Variants in PCDH8 observed in about 807,000 individuals in gnomAD.
PCDH8 encodes protocadherin 8.
In PCDH8, 36 loss-of-function variants were observed where a neutral mutation model predicts 58.2. The ratio of observed to expected loss-of-function variants is 0.62; its 90% confidence interval spans 0.47 to 0.82. The LOEUF is 0.82. Among genes scored for constraint, PCDH8 ranks in the 40% least tolerant of loss-of-function variants. The probability of loss-of-function intolerance (pLI) is 0.00; values close to 1 mark genes in which losing one functional copy is unlikely to be tolerated. For synonymous variants in PCDH8, 775 were observed against 728.9 expected, an observed-to-expected ratio of 1.06 and a Z score of -1.02; for missense variants, 1,493 against 1,567.8, an observed-to-expected ratio of 0.95 and a Z score of 0.81.
chr13:52,847,347 C>T lies in PCDH8; in HGVS notation c.1090G>A (p.Ala364Thr), dbSNP rs752290702. The T allele has an allele frequency of 2.0e-6, 3 of 1,472,766 alleles. No homozygotes were observed. Among genetic ancestry groups the T allele is most frequent in the Non-Finnish European group, 8.9e-7 (1 of 1,117,780 alleles). The allele number at this position is 1,472,766 out of a possible 1,614,324, so 91.2% of individuals were successfully genotyped here. The change falls in exon 1 of 3, where the codon GCG (alanine) becomes ACG (threonine). Residue 364 changes from alanine (A) to threonine (T), a missense_variant. Physicochemically the swap from Ala to Thr is moderately conservative, Grantham distance 58. Transcript: ENST00000377942. ...IAITPLAAPG[A>T]PATSPFAAAA... is the part of the protein sequence containing the mutation. ...GCGGCGAAGGGTGAGGTTGCCGGCG[C>T]GCCTGGGGCGGCCAGCGGGGTGATG...
In PCDH8 at chr13:52,844,924, G is replaced by A. The variant is rs751594263; in HGVS notation, c.2849C>T (p.Ala950Val). ...CAGGATCTTACACTCAGCGGTGCAC[G>A]CCCACAGTCCTAATACGAAAGGGAA... Reference protein sequence around the residue: ...LINHMQSGLWACTAECKILGH... With the variant: ...LINHMQSGLWVCTAECKILGH... Residue 950 changes from alanine to valine, a missense_variant, in exon 3 of 3, where the codon GCG (alanine) becomes GTG (valine). By Grantham distance (64) the Ala-to-Val change is moderately conservative. Transcript: ENST00000377942. 16 of 1,523,730 alleles carry A rather than the reference G, an allele frequency of 1.1e-5. No individual in the cohort carries two copies. The South Asian group carries it at 1.4e-4, about 14-fold the overall frequency. 94.4% of individuals were successfully genotyped at this position (1,523,730 alleles called of 1,614,324 possible). A position where few individuals can be genotyped will look rare whatever the true frequency, so the allele number is the denominator to read the frequency against.
Position 52,844,427 on chromosome 13 carries a change from G to T in PCDH8, c.*133C>A, listed in dbSNP as rs1965697596. ...TGCAAATACCAAACAGTACCAATGT[G>T]ATTGGAAATAGCTTCCAACAACTTC... On this transcript the variant is annotated 3_prime_UTR_variant, in exon 3 of 3. Transcript: ENST00000377942. The T allele has an allele frequency of 2.9e-6, 2 of 693,870 alleles. No individual in the cohort carries two copies. The highest frequency in any genetic ancestry group is 2.3e-6 in the Non-Finnish European group (1 of 434,020). 43.0% of individuals were successfully genotyped at this position (693,870 alleles called of 1,614,324 possible).
Position 52,847,544 on chromosome 13 carries a change from C to A in PCDH8, c.893G>T (p.Arg298Leu). 1 of 1,575,374 alleles carries A rather than the reference C, an allele frequency of 6.3e-7. No individual in the cohort carries two copies. The highest frequency in any genetic ancestry group is 8.6e-7 in the Non-Finnish European group (1 of 1,168,150). The change falls in exon 1 of 3, where the codon CGG becomes CTG. Residue 298 changes from arginine to leucine, a missense_variant. Transcript: ENST00000377942. ...RTPPEARRLF[R>L]LDPRSGRLTL... ...GAGGCGGCCTGATCGCGGGTCAAGC[C>A]GAAAGAGGCGGCGCGCCTCCGGCGG...
In PCDH8 at chr13:52,848,196, C is replaced by A. The variant is rs778294592; in HGVS notation, c.241G>T (p.Gly81Trp). ...SSLLRVREGD[G>W]QLTVGDAGLD... ...CCGGCGTCCCCGACGGTCAGCTGCCCGTCGCCTTCGCGCACCCGGAGCAGA... is the reference window on the plus strand; with the variant it reads ...CCGGCGTCCCCGACGGTCAGCTGCCAGTCGCCTTCGCGCACCCGGAGCAGA... The change falls in exon 1 of 3, where the codon GGG becomes TGG. Residue 81 changes from glycine (G) to tryptophan (W), a missense_variant. By Grantham distance (184) the Gly-to-Trp change is radical. Around this residue, in one of 3 missense-constraint regions of PCDH8, gnomAD observed 1,307 missense variants for 1,362.7 expected, o/e 0.96. Transcript: ENST00000377942. The A allele has an allele frequency of 7.4e-6, 12 of 1,612,760 alleles. No homozygotes were observed. Among genetic ancestry groups the A allele is most frequent in the Non-Finnish European group, 1.0e-5 (12 of 1,179,626 alleles).
rs749685234 is a variant in PCDH8, at chr13:52,846,328, G to T, written c.2109C>A (p.Thr703=). The change falls in exon 1 of 3, where the codon ACC becomes ACA. Residue 703 remains threonine (T), a synonymous_variant. Transcript: ENST00000377942. ...CTGTTACCACGAAGCTGACAGTTGC[G>T]GTGGTGGTGAGCGGGGGACGGCCGC... ...SDGGRPPLTT[T]ATVSFVVTAG... is the part of the protein sequence containing the mutation. The T allele has an allele frequency of 3.2e-6, 5 of 1,568,198 alleles. No individual in the cohort carries two copies. The Admixed American group carries it at 7.0e-5, about 22-fold the overall frequency.
At position 52,844,670 on chromosome 13, in the gene PCDH8, G is replaced by C; in HGVS notation, c.3103C>G (p.Pro1035Ala). 1 of 1,614,126 alleles carries C rather than the reference G, an allele frequency of 6.2e-7. No individual in the cohort carries two copies. Among genetic ancestry groups the C allele is most frequent in the Non-Finnish European group, 8.5e-7 (1 of 1,180,006 alleles). Residue 1035 changes from proline to alanine, a missense_variant, in exon 3 of 3, where the codon CCT becomes GCT. This residue lies in a region of PCDH8 where 182 missense variants were observed against 178.9 expected (regional missense o/e 1.02). Coordinates refer to ENST00000377942, the MANE Select transcript of PCDH8 (RefSeq NM_002590.4). ...TCTGGGAGCCTCCCTGGACGGGGAG[G>C]GGAGAGCAGAGTGACTGTCCTGTCA... ...DYDRTVTLLS[P>A]PRPGRLPDLQ... is the part of the protein sequence containing the mutation.
chr13:52,846,607 C>A lies in PCDH8; in HGVS notation c.1830G>T (p.Val610=). 1 of 1,605,352 alleles carries A rather than the reference C, an allele frequency of 6.2e-7. No homozygotes were observed. Among genetic ancestry groups the A allele is most frequent in the Non-Finnish European group, 8.5e-7 (1 of 1,178,744 alleles). ...LDQNDHAPVL[V]HPAPANGSLE... is the part of the protein sequence containing the mutation. Reference sequence around the variant, plus strand: ...GGGAGCCATTGGCTGGCGCCGGGTGCACCAGGACTGGCGCATGGTCGTTCT... The same window carrying A: ...GGGAGCCATTGGCTGGCGCCGGGTGAACCAGGACTGGCGCATGGTCGTTCT... The change falls in exon 1 of 3, where the codon GTG becomes GTT. Residue 610 remains valine, a synonymous_variant. Coordinates refer to ENST00000377942, the MANE Select transcript of PCDH8 (RefSeq NM_002590.4).
At position 52,847,414 on chromosome 13, in the gene PCDH8, G is replaced by A; in HGVS notation, c.1023C>T (p.Ile341=). Residue 341 remains isoleucine, a synonymous_variant, in exon 1 of 3, where the codon ATC becomes ATT. Coordinates refer to ENST00000377942, the MANE Select transcript of PCDH8 (RefSeq NM_002590.4). ...TGTCATTGACGTCTCGGATGCGCACGATGACCTTGCAGGTGGCAGCGCGGG... is the reference window on the plus strand; with the variant it reads ...TGTCATTGACGTCTCGGATGCGCACAATGACCTTGCAGGTGGCAGCGCGGG... ...PGPRAATCKV[I]VRIRDVNDNA... 1 of 1,580,338 alleles carries A rather than the reference G, an allele frequency of 6.3e-7. No homozygotes were observed.
Position 52,846,267 on chromosome 13 carries a change from C to A in PCDH8, c.2170G>T (p.Ala724Ser). ...GGGCGGGAACGCTCCGGGCTTCCTG[C>A]ACTGGCAGGCGCAGCCGGCCCACGC... is the stretch of plus-strand genomic sequence containing the variant. ...GGRGPAAPASAGSPERSRPPG... is the reference protein window; with the variant it reads ...GGRGPAAPASSGSPERSRPPG... The change falls in exon 1 of 3, where the codon GCA becomes TCA. Residue 724 changes from alanine (A) to serine (S), a missense_variant. Ala to Ser is a moderately conservative substitution (Grantham distance 99). Coordinates refer to ENST00000377942, the MANE Select transcript of PCDH8 (RefSeq NM_002590.4). 6.3e-7 allele frequency: 1 copy of A among 1,580,216 alleles called. No individual in the cohort carries two copies. Among genetic ancestry groups the A allele is most frequent in the Admixed American group, 1.7e-5 (1 of 57,886 alleles).
rs1414785141 is a variant in PCDH8, at chr13:52,846,824, T to G, written c.1613A>C (p.Glu538Ala). ...RNGQVTYRLL[E>A]AEVGRAGGAV... ...GCCCCCGGCGCGGCCCACCTCGGCC[T>G]CCAGCAGCCGGTAGGTGACCTGGCC... The change falls in exon 1 of 3, where the codon GAG becomes GCG. Residue 538 changes from glutamate to alanine, a missense_variant. Around this residue, in one of 3 missense-constraint regions of PCDH8, gnomAD observed 1,307 missense variants for 1,362.7 expected, o/e 0.96. Coordinates refer to ENST00000377942, the MANE Select transcript of PCDH8 (RefSeq NM_002590.4). The G allele has an allele frequency of 6.5e-7, 1 of 1,548,606 alleles. No individual in the cohort carries two copies. Among genetic ancestry groups the G allele is most frequent in the Admixed American group, 1.9e-5 (1 of 52,496 alleles).
rs1965695893 is a variant in PCDH8, at chr13:52,844,284, T to C, written c.*276A>G. The C allele has an allele frequency of 4.1e-6, 1 of 243,644 alleles. No individual in the cohort carries two copies. The highest frequency in any genetic ancestry group is 2.2e-5 in the African/African-American group (1 of 44,934). 15.1% of individuals were successfully genotyped at this position (243,644 alleles called of 1,614,324 possible). On this transcript the variant is annotated 3_prime_UTR_variant, in exon 3 of 3. Coordinates refer to ENST00000377942, the MANE Select transcript of PCDH8 (RefSeq NM_002590.4). ...TATATACAAACATTACATTACACAA[T>C]GTACAGGTTAAAAACACTAAGAAAA...
chr13:52,847,033 C>T lies in PCDH8; in HGVS notation c.1404G>A (p.Val468=). The change falls in exon 1 of 3, where the codon GTG becomes GTA. Residue 468 remains valine (V), a synonymous_variant. Transcript: ENST00000377942. ...GCGGGGGCGCGCCGCGATCCTCGGC[C>T]ACCAGCGTCAAGTTGTACTCGGCGA... The part of the protein sequence containing the change: ...ERIAEYNLTL[V]AEDRGAPPLR... 6.4e-7 allele frequency: 1 copy of T among 1,566,728 alleles called. No homozygotes were observed. The highest frequency in any genetic ancestry group is 8.6e-7 in the Non-Finnish European group (1 of 1,158,534).
Position 52,846,390 on chromosome 13 carries a change from C to T in PCDH8, c.2047G>A (p.Gly683Ser), listed in dbSNP as rs751110384. 3 of 1,592,248 alleles carry T rather than the reference C, an allele frequency of 1.9e-6. No homozygotes were observed. The highest frequency in any genetic ancestry group is 2.6e-6 in the Non-Finnish European group (3 of 1,172,424). Residue 683 changes from glycine (G) to serine (S), a missense_variant, in exon 1 of 3, where the codon GGT becomes AGT. By Grantham distance (56) the Gly-to-Ser change is moderately conservative. Around this residue, in one of 3 missense-constraint regions of PCDH8, gnomAD observed 1,307 missense variants for 1,362.7 expected, o/e 0.96. Transcript: ENST00000377942. The part of the protein sequence containing the change: ...LTGDLSQEPP[G>S]RVFRALLVIS... ...ACCAGGAGCGCCCTGAACACGCGACCGGGTGGCTCCTGCGAGAGGTCGCCG... is the reference window on the plus strand; with the variant it reads ...ACCAGGAGCGCCCTGAACACGCGACTGGGTGGCTCCTGCGAGAGGTCGCCG...
In PCDH8 at chr13:52,847,404, G is replaced by C. The variant is rs772091528; in HGVS notation, c.1033C>G (p.Arg345Gly). Residue 345 changes from arginine (R) to glycine (G), a missense_variant, in exon 1 of 3, where the codon CGA (arginine) becomes GGA (glycine). Arg to Gly is a moderately radical substitution (Grantham distance 125). Around this residue, in one of 3 missense-constraint regions of PCDH8, gnomAD observed 1,307 missense variants for 1,362.7 expected, o/e 0.96. Coordinates refer to ENST00000377942, the MANE Select transcript of PCDH8 (RefSeq NM_002590.4). ...AATCKVIVRI[R>G]DVNDNAPDIA... ...TCGGGTGCGTTGTCATTGACGTCTC[G>C]GATGCGCACGATGACCTTGCAGGTG... 5 of 1,568,666 alleles carry C rather than the reference G, an allele frequency of 3.2e-6. No homozygotes were observed. The highest frequency in any genetic ancestry group is 4.3e-6 in the Non-Finnish European group (5 of 1,165,294).
Position 52,844,582 on chromosome 13 carries a change from T to C in PCDH8, c.3191A>G (p.Lys1064Arg), listed in dbSNP as rs1410227853. The C allele has an allele frequency of 6.3e-7, 1 of 1,597,806 alleles. No homozygotes were observed. Among genetic ancestry groups the C allele is most frequent in the East Asian group, 2.2e-5 (1 of 44,700 alleles). The stretch of plus-strand genomic sequence containing the variant: ...GGATTACACATTTTCATTGGCTCCC[T>C]TCTTCGGGGACAGGTACCTGCCAGG... Reference protein sequence around the residue: ...SPPGRYLSPKKGANENV With the variant: ...SPPGRYLSPKRGANENV The change falls in exon 3 of 3, where the codon AAG (lysine) becomes AGG (arginine). Residue 1064 changes from lysine to arginine, a missense_variant. Lys to Arg is a conservative substitution (Grantham distance 26). Around this residue, in one of 3 missense-constraint regions of PCDH8, gnomAD observed 182 missense variants for 178.9 expected, o/e 1.02. Transcript: ENST00000377942.
In PCDH8 at chr13:52,846,624, G is replaced by T. The variant is rs1461391373; in HGVS notation, c.1813C>A (p.His605Asn). 1 of 1,605,084 alleles carries T rather than the reference G, an allele frequency of 6.2e-7. No homozygotes were observed. Among genetic ancestry groups the T allele is most frequent in the East Asian group, 2.2e-5 (1 of 44,712 alleles). ...VQVRVLDQND[H>N]APVLVHPAPA... ...GCCGGGTGCACCAGGACTGGCGCAT[G>T]GTCGTTCTGGTCCAGCACGCGCACT... The change falls in exon 1 of 3, where the codon CAT becomes AAT. Residue 605 changes from histidine (H) to asparagine (N), a missense_variant. Physicochemically the swap from His to Asn is moderately conservative, Grantham distance 68 (BLOSUM62 1). Coordinates refer to ENST00000377942, the MANE Select transcript of PCDH8 (RefSeq NM_002590.4).
Position 52,848,331 on chromosome 13 carries a change from T to C in PCDH8, c.106A>G (p.Thr36Ala). The C allele has an allele frequency of 6.2e-7, 1 of 1,613,228 alleles. No homozygotes were observed. Among genetic ancestry groups the C allele is most frequent in the Non-Finnish European group, 8.5e-7 (1 of 1,180,018 alleles). The change falls in exon 1 of 3, where the codon ACC becomes GCC. Residue 36 changes from threonine (T) to alanine (A), a missense_variant. Coordinates refer to ENST00000377942, the MANE Select transcript of PCDH8 (RefSeq NM_002590.4). Reference protein sequence around the residue: ...VAQSKTVRYSTFEEDAPGTVI... With the variant: ...VAQSKTVRYSAFEEDAPGTVI... Reference sequence around the variant, plus strand: ...GTGCCGGGGGCATCCTCCTCGAAGGTGCTGTATCGGACTGTTTTGCTCTGG... The same window carrying C: ...GTGCCGGGGGCATCCTCCTCGAAGGCGCTGTATCGGACTGTTTTGCTCTGG...
rs971842352 is a variant in PCDH8, at chr13:52,843,438, T to C, written c.*1122A>G. On this transcript the variant is annotated 3_prime_UTR_variant, in exon 3 of 3. Transcript: ENST00000377942. ...ATAAATTTGAGTGGAATAGAGCTGA[T>C]AGTTACTTTGGAGACTGGCTCCAGA... 1 of 152,206 alleles carries C rather than the reference T, an allele frequency of 6.6e-6. No homozygotes were observed. The highest frequency in any genetic ancestry group is 1.5e-5 in the Non-Finnish European group (1 of 68,030). 9.4% of individuals were successfully genotyped at this position (152,206 alleles called of 1,614,324 possible).
In PCDH8 at chr13:52,844,917, G is replaced by A. The variant is rs978793132; in HGVS notation, c.2856C>T (p.Thr952=). ...AGTGGCCCAGGATCTTACACTCAGC[G>A]GTGCACGCCCACAGTCCTAATACGA... The part of the protein sequence containing the change: ...NHMQSGLWAC[T]AECKILGHSD... The change falls in exon 3 of 3, where the codon ACC becomes ACT. Residue 952 remains threonine (T), a synonymous_variant. Coordinates refer to ENST00000377942, the MANE Select transcript of PCDH8 (RefSeq NM_002590.4). 1.3e-6 allele frequency: 2 copies of A among 1,529,174 alleles called. No homozygotes were observed. The allele number at this position is 1,529,174 out of a possible 1,614,324, so 94.7% of individuals were successfully genotyped here.
Sources: gnomAD v4.1 joint callset for allele counts on GRCh38, gnomAD v4.1.1 for gene constraint, gnomAD v4.1.1 regional missense constraint, MANE v1.5 for transcripts, NCBI Gene and HGNC (gene_info 2026-07-23, HGNC 2026-07-21) for gene names.